The following ARHGEF10L variants were observed in gnomAD, a reference collection of about 807,000 sequenced individuals.
ARHGEF10L encodes rho guanine nucleotide exchange factor 10-like protein.
ARHGEF10L carries 69 observed loss-of-function variants against 141.2 expected under a neutral mutation model. That is an observed-to-expected ratio of 0.49 (90% CI 0.40 to 0.60). The LOEUF (loss-of-function observed/expected upper bound fraction) is 0.60, where lower values mean the gene tolerates loss of function less well. ARHGEF10L is among the 20% of genes least tolerant of loss of function. The pLI, the probability that ARHGEF10L is intolerant of heterozygous loss-of-function variation, is 0.00. For synonymous variants in ARHGEF10L, 711 were observed against 718.5 expected (o/e 0.99, Z 0.17); for missense variants, 1,482 against 1,734.3 (o/e 0.85, Z 2.58).
rs1298320565 is a variant in ARHGEF10L, at chr1:17,663,121, G to A, written c.2861-1326G>A. ...ACTTCTGAGAAGAAACAATCTTGGCGCGCGCCGCTTGGATGCCGGAGAAAA... is the reference window on the plus strand; with the variant it reads ...ACTTCTGAGAAGAAACAATCTTGGCACGCGCCGCTTGGATGCCGGAGAAAA... On this transcript the variant is annotated intron_variant, in intron 25 of 28. Coordinates refer to ENST00000361221, the MANE Select transcript of ARHGEF10L (RefSeq NM_018125.4). Among the ~76,000 whole-genome samples the A allele has an allele frequency of 3.9e-5, 6 of 152,164 alleles. No individual in the cohort carries two copies. The East Asian group carries it at 7.7e-4, about 20-fold the overall frequency.
At chr1:17,538,921 CTG>C (rs1419616408), upstream of ARHGEF10L, among the ~76,000 whole-genome samples, 2 of 152,148 alleles carry the variant, frequency 1.3e-5, no homozygotes, top group Non-Finnish European at 2.9e-5. Flanking sequence ...GACCTGATAA[CTG>C]TAATTAATTG....
intron 1 of ARHGEF10L, among the ~76,000 whole-genome samples, chr1:17,567,539 T>TA (rs1372732043): frequency 1.3e-5 from 2 of 152,170 alleles, no homozygotes; most frequent in Non-Finnish European, 1.5e-5. Context: ...GCTCCTTTTT[T>TA]GTATTTTTAG....
At chr1:17,618,263 C>A in intron 9 of ARHGEF10L, 14 of 1,286,122 alleles carry the variant, frequency 1.1e-5, no homozygotes, top group Admixed American at 5.6e-5. Flanking sequence ...GCCCTCCCCA[C>A]CCCGCCCACA....
intron 4 of ARHGEF10L, among the ~76,000 whole-genome samples, chr1:17,590,718 G>A (rs1490269097): frequency 2.0e-5 from 3 of 152,188 alleles, no homozygotes; most frequent in African/African-American, 7.2e-5. Context: ...CTGGTGAAGT[G>A]GCTCACGCCT....
At chr1:17,606,584 G>A (rs571868155) in intron 6 of ARHGEF10L, among the ~76,000 whole-genome samples, 5 of 150,744 alleles carry the variant, frequency 3.3e-5, no homozygotes, top group Non-Finnish European at 5.9e-5. Flanking sequence ...GTGAGCCACC[G>A]CGACCAGTCA....
Position 17,587,500 on chromosome 1 carries a change from G to A in ARHGEF10L, c.78G>A (p.Glu26=). ...LVPGVPGPSS[E]AEDDPGEAFE... Reference sequence around the variant, plus strand: ...CAGGAGTCCCAGGCCCCTCCTCTGAGGCAGAGGACGACCCAGGAGAGGCGT... The same window carrying A: ...CAGGAGTCCCAGGCCCCTCCTCTGAAGCAGAGGACGACCCAGGAGAGGCGT... Residue 26 remains glutamate (E), a synonymous_variant, in exon 3 of 29, where the codon GAG becomes GAA. Coordinates refer to ENST00000361221, the MANE Select transcript of ARHGEF10L (RefSeq NM_018125.4). 1 of 1,614,114 alleles carries A rather than the reference G, an allele frequency of 6.2e-7. No homozygotes were observed. Among genetic ancestry groups the A allele is most frequent in the Non-Finnish European group, 8.5e-7 (1 of 1,180,014 alleles).
Position 17,634,772 on chromosome 1 carries a change from G to A in ARHGEF10L, c.1746-63G>A, listed in dbSNP as rs2060900991. 3 of 1,522,460 alleles carry A rather than the reference G, an allele frequency of 2.0e-6. No individual in the cohort carries two copies. The East Asian group carries it at 7.2e-5, about 37-fold the overall frequency. 94.3% of individuals were successfully genotyped at this position (1,522,460 alleles called of 1,614,324 possible). ...AGCTGGTGTGGAGGAGCAATGCCCT[G>A]GGCCAGCCCTGGGGCAGGGTGGCTG... On this transcript the variant is annotated intron_variant, in intron 17 of 28. Coordinates refer to ENST00000361221, the MANE Select transcript of ARHGEF10L (RefSeq NM_018125.4).
chr1:17,631,164 A>T (rs1236212976), intron 15 of ARHGEF10L, among the ~76,000 whole-genome samples: 2 of 151,938 alleles, frequency 1.3e-5, no homozygotes, highest in Non-Finnish European at 2.9e-5. Flanking sequence ...GCTCGGGGTG[A>T]TCTGTCCTTT....
chr1:17,696,729 TAGAC>T (rs776663532), intron 28 of ARHGEF10L, 115 bp from the exon 29 acceptor site: 70 of 1,075,654 alleles, frequency 6.5e-5, no homozygotes, highest in Non-Finnish European at 8.3e-5. Context: ...GGTGCCAACA[TAGAC>T]AGAAGTGACC....
intron 26 of ARHGEF10L, among the ~76,000 whole-genome samples, chr1:17,665,571 C>T (rs1361837554): frequency 6.6e-6 from 1 of 152,146 alleles, no homozygotes. Context: ...GGAGCCGGAC[C>T]TACCAGACCG....
intron 4 of ARHGEF10L, among the ~76,000 whole-genome samples, chr1:17,595,629 C>T (rs1299128298): frequency 6.6e-6 from 1 of 152,112 alleles, no homozygotes; most frequent in African/African-American, 2.4e-5. Flanking sequence ...AGGAGAGACA[C>T]ACGGGGTCCT....
At chr1:17,560,550 C>T (rs1230110025) in intron 1 of ARHGEF10L, among the ~76,000 whole-genome samples, 1 of 152,200 alleles carries the variant, frequency 6.6e-6, no homozygotes, top group South Asian at 2.1e-4. Flanking sequence ...TTGGGAGTAA[C>T]CACCTGGCCA....
chr1:17,540,421 G>T (rs1469994992), intron 1 of ARHGEF10L, among the ~76,000 whole-genome samples: 5 of 152,114 alleles, frequency 3.3e-5, no homozygotes, highest in Non-Finnish European at 7.4e-5. Flanking sequence ...AGGCGGAACG[G>T]GACGGCCTCC....
chr1:17,665,152 A>T lies in ARHGEF10L; in HGVS notation c.3009+557A>T, dbSNP rs548846832. ...CCGCTCACCTTCACACCTGCAGTCC[A>T]TCCTGGGCGGGAGACTCAGCATGGT... On this transcript the variant is annotated intron_variant, in intron 26 of 28. Transcript: ENST00000361221. 1.5e-3 allele frequency among the ~76,000 whole-genome samples: 228 copies of T among 152,298 alleles called. 1 individual carries two copies. The highest frequency in any genetic ancestry group is 5.0e-3 in the African/African-American group (206 of 41,558).
At chr1:17,527,367 G>A in the ARHGEF10L span, among the ~76,000 whole-genome samples, 7 of 152,118 alleles carry the variant, frequency 4.6e-5, no homozygotes, top group South Asian at 2.1e-4. Context: ...GCCTCCTGGC[G>A]GGTGCTCCAC....
chr1:17,694,468 G>A (rs1385162903), intron 27 of ARHGEF10L: 3 of 179,108 alleles, frequency 1.7e-5, no homozygotes, highest in South Asian at 1.1e-4. Context: ...CTGCCCCCAC[G>A]CCCTCTCTGA....
At chr1:17,646,133 CG>C (rs2061586261) in intron 21 of ARHGEF10L, among the ~76,000 whole-genome samples, 1 of 152,210 alleles carries the variant, frequency 6.6e-6, no homozygotes, top group South Asian at 2.1e-4. Flanking sequence ...CGGGTGCTGG[CG>C]CCTTCACATC....
intron 1 of ARHGEF10L, among the ~76,000 whole-genome samples, chr1:17,577,104 G>A (rs1466184972): frequency 7.9e-5 from 12 of 152,224 alleles, no homozygotes; most frequent in Non-Finnish European, 1.2e-4. Context: ...AGTGGCAGTG[G>A]TGTGATCTTG....
chr1:17,522,742 A>C, the ARHGEF10L span, among the ~76,000 whole-genome samples: 1 of 151,538 alleles, frequency 6.6e-6, no homozygotes, highest in Non-Finnish European at 1.5e-5. Context: ...AGTTAATGAG[A>C]CTTTGGGACT....
Sources: allele counts gnomAD v4.1 joint callset (sites outside exome capture counted in the v4.1 genomes callset), GRCh38; gene constraint gnomAD v4.1.1; transcripts MANE v1.5; gene names NCBI Gene and HGNC (gene_info 2026-07-23, HGNC 2026-07-21).